Variants in STAMBPL1 observed in about 807,000 individuals in gnomAD.
STAMBPL1 encodes AMSH-like protease.
Under a neutral mutation model 52.9 loss-of-function variants are expected in STAMBPL1, and 44 were observed. The observed-to-expected ratio is 0.83, with a 90% CI of 0.65 to 1.07. STAMBPL1 has a LOEUF of 1.07. Ranked by LOEUF, STAMBPL1 falls within the 50% of genes least tolerant of loss-of-function variation. The pLI is 0.00. For missense variants in STAMBPL1, 511 were observed against 520.8 expected, an observed-to-expected ratio of 0.98 and a Z score of 0.18; for synonymous variants, 164 against 177.3, an observed-to-expected ratio of 0.92 and a Z score of 0.60.
At chr10:88,906,095 T>C (rs543284384) in intron 3 of STAMBPL1, among the ~76,000 whole-genome samples, 87 of 152,300 alleles carry the variant, frequency 5.7e-4, no homozygotes, top group African/African-American at 1.9e-3. Flanking sequence ...AGGGGACAAG[T>C]TGGGAGACAC....
chr10:88,921,042 C>A (rs1845497566), intron 8 of STAMBPL1, among the ~76,000 whole-genome samples: 1 of 152,152 alleles, frequency 6.6e-6, no homozygotes, highest in African/African-American at 2.4e-5. Context: ...CCAGCTCTTT[C>A]TTTCCCAAAA....
At chr10:88,884,713 A>G (rs1844486530) in intron 1 of STAMBPL1, among the ~76,000 whole-genome samples, 1 of 152,140 alleles carries the variant, frequency 6.6e-6, no homozygotes, top group Non-Finnish European at 1.5e-5. Flanking sequence ...AATCTTGCAA[A>G]CATTTGACAA....
At chr10:88,886,844 C>T (rs546800011) in intron 1 of STAMBPL1, among the ~76,000 whole-genome samples, 2 of 152,232 alleles carry the variant, frequency 1.3e-5, no homozygotes, top group South Asian at 4.1e-4. Context: ...AGCTATGCAC[C>T]TTTAATTAAA....
At chr10:88,908,998 C>T (rs1845149215) in intron 4 of STAMBPL1, among the ~76,000 whole-genome samples, 1 of 152,136 alleles carries the variant, frequency 6.6e-6, no homozygotes, top group Non-Finnish European at 1.5e-5. Context: ...GAAAGAAATA[C>T]GTTACCTAAT....
At chr10:88,919,977 C>A (rs1845468355) in intron 8 of STAMBPL1, among the ~76,000 whole-genome samples, 1 of 151,940 alleles carries the variant, frequency 6.6e-6, no homozygotes, top group Admixed American at 6.6e-5. Flanking sequence ...GTTGAGACTA[C>A]AGGCACATGC....
At chr10:88,900,306 A>G (rs1314571008) in intron 1 of STAMBPL1, among the ~76,000 whole-genome samples, 1 of 152,222 alleles carries the variant, frequency 6.6e-6, no homozygotes. Context: ...AACTGAGGAG[A>G]AGATCCATGT....
At chr10:88,897,835 T>G (rs1366243171) in intron 1 of STAMBPL1, among the ~76,000 whole-genome samples, 1 of 152,192 alleles carries the variant, frequency 6.6e-6, no homozygotes, top group Non-Finnish European at 1.5e-5. Context: ...GAGGGGGAAT[T>G]TATTTTATTC....
intron 1 of STAMBPL1, among the ~76,000 whole-genome samples, chr10:88,892,278 C>T (rs1381990881): frequency 6.6e-6 from 1 of 151,918 alleles, no homozygotes; most frequent in Non-Finnish European, 1.5e-5. Flanking sequence ...CCTGGGGCAC[C>T]CTTCCCAGAA....
chr10:88,881,965 G>A (rs1844417271), intron 1 of STAMBPL1: 1 of 152,206 alleles, frequency 6.6e-6, no homozygotes, highest in Non-Finnish European at 1.5e-5. Context: ...GGCATAAAAT[G>A]TTATTGGAAT....
chr10:88,907,427 G>A (rs1845102894), intron 3 of STAMBPL1, among the ~76,000 whole-genome samples: 2 of 152,172 alleles, frequency 1.3e-5, no homozygotes, highest in Non-Finnish European at 2.9e-5. Flanking sequence ...CTCCACCATT[G>A]ATAGCCAAAC....
intron 1 of STAMBPL1, among the ~76,000 whole-genome samples, chr10:88,885,524 T>C (rs1244032796): frequency 6.6e-6 from 1 of 152,102 alleles, no homozygotes; most frequent in African/African-American, 2.4e-5. Flanking sequence ...AGGCTTCTTA[T>C]GCCTCCCTCA....
chr10:88,897,679 C>T (rs1473927905), intron 1 of STAMBPL1, among the ~76,000 whole-genome samples: 1 of 152,118 alleles, frequency 6.6e-6, no homozygotes, highest in Non-Finnish European at 1.5e-5. Context: ...AAGCGCCCTG[C>T]CGAATGAGTA....
intron 1 of STAMBPL1, among the ~76,000 whole-genome samples, chr10:88,886,959 C>T (rs1170985191): frequency 6.6e-6 from 1 of 152,220 alleles, no homozygotes; most frequent in East Asian, 1.9e-4. Context: ...TATCATTTAA[C>T]ACTAGAAATA....
intron 1 of STAMBPL1, among the ~76,000 whole-genome samples, chr10:88,889,207 AGT>A (rs1844617106): frequency 6.6e-6 from 1 of 152,132 alleles, no homozygotes; most frequent in South Asian, 2.1e-4. Context: ...ACCATGCTGC[AGT>A]GTGTGTGTAT....
chr10:88,913,067 A>G lies in STAMBPL1; in HGVS notation c.421-34A>G, dbSNP rs201952960. 1,043 of 1,521,930 alleles carry G rather than the reference A, an allele frequency of 6.9e-4. 1 individual carries two copies. The highest frequency in any genetic ancestry group is 7.4e-4 in the Non-Finnish European group (839 of 1,132,714). The allele number at this position is 1,521,930 out of a possible 1,614,324, so 94.3% of individuals were successfully genotyped here. ...TCCAGTTCAATGTTTCTCCTTGGAA[A>G]CTAACCTTCTCTTCTGGCTGCCACA... On this transcript the variant is annotated intron_variant, in intron 5 of 10. Coordinates refer to ENST00000371926, the MANE Select transcript of STAMBPL1 (RefSeq NM_020799.4).
chr10:88,895,629 G>T (rs147251846), intron 1 of STAMBPL1, among the ~76,000 whole-genome samples: 3 of 152,144 alleles, frequency 2.0e-5, no homozygotes, highest in Non-Finnish European at 2.9e-5. Context: ...TTAAGCTTTA[G>T]TTGAATTCTT....
At chr10:88,920,908 A>G (rs894628106) in intron 8 of STAMBPL1, among the ~76,000 whole-genome samples, 1 of 152,210 alleles carries the variant, frequency 6.6e-6, no homozygotes, top group African/African-American at 2.4e-5. Flanking sequence ...CCACAGGCAC[A>G]TTATGTAACC....
intron 2 of STAMBPL1, among the ~76,000 whole-genome samples, chr10:88,902,470 G>T (rs1429260089): frequency 1.3e-5 from 2 of 152,134 alleles, no homozygotes; most frequent in Non-Finnish European, 2.9e-5. Context: ...AGCCCCATGA[G>T]CTGCAGTATA....
intron 1 of STAMBPL1, among the ~76,000 whole-genome samples, chr10:88,882,299 C>A (rs964524761): frequency 2.6e-5 from 4 of 152,172 alleles, no homozygotes. Context: ...CTGAGGATGT[C>A]CTCAATAGAG....
Sources: allele counts gnomAD v4.1 joint callset (sites outside exome capture counted in the v4.1 genomes callset), GRCh38; gene constraint gnomAD v4.1.1; transcripts MANE v1.5; gene names NCBI Gene and HGNC (gene_info 2026-07-23, HGNC 2026-07-21).